Variants in COX18 observed in about 807,000 individuals in gnomAD.
COX18 encodes the protein cytochrome c oxidase assembly protein COX18, mitochondrial.
In COX18, 45 loss-of-function variants were observed where a neutral mutation model predicts 38.0. The ratio of observed to expected loss-of-function variants is 1.18; its 90% confidence interval spans 0.93 to 1.52. The LOEUF is 1.52. Ranked by LOEUF, COX18 falls within the 40% of genes most tolerant of loss-of-function variation. The pLI is 0.00. For synonymous variants in COX18, 177 were observed against 169.8 expected, an observed-to-expected ratio of 1.04 and a Z score of -0.33; for missense variants, 462 against 423.8, an observed-to-expected ratio of 1.09 and a Z score of -0.79.
At chr4:73,066,486 G>A (rs1720452411) in intron 2 of COX18, among the ~76,000 whole-genome samples, 1 of 152,148 alleles carries the variant, frequency 6.6e-6, no homozygotes, top group Non-Finnish European at 1.5e-5. Context: ...CCAGGAGTTT[G>A]AGATCAGCCT....
intron 2 of COX18, among the ~76,000 whole-genome samples, chr4:73,066,652 C>A (rs1720460588): frequency 6.6e-6 from 1 of 152,208 alleles, no homozygotes; most frequent in Admixed American, 6.5e-5. Context: ...AAGCAAGGTG[C>A]CACAAGTCTT....
chr4:73,065,171 GC>G, intron 3 of COX18, 78 bp downstream of exon 3: 1 of 914,632 alleles, frequency 1.1e-6, no homozygotes, highest in Non-Finnish European at 1.6e-6. Context: ...TGAAAAGTAT[GC>G]TTTTTTTTTT....
intron 5 of COX18, among the ~76,000 whole-genome samples, chr4:73,060,700 C>A (rs1295865730): frequency 6.6e-6 from 1 of 151,746 alleles, no homozygotes; most frequent in Non-Finnish European, 1.5e-5. Flanking sequence ...GCCAACATGA[C>A]GAAACCCCAC....
At position 73,061,934 on chromosome 4, in the gene COX18, A is replaced by C. The variant is rs1720188151; in HGVS notation, c.724-14T>G. On this transcript the variant is annotated splice_polypyrimidine_tract_variant and intron_variant, in intron 4 of 5. Coordinates refer to ENST00000507544, the MANE Select transcript of COX18 (RefSeq NM_001297732.2). ...TAGAGCACAAATCTGAAGGGGTAGA[A>C]CATATACATGCATAATGATTATTAA... 7.7e-7 allele frequency: 1 copy of C among 1,300,386 alleles called. No homozygotes were observed. Among genetic ancestry groups the C allele is most frequent in the Non-Finnish European group, 1.1e-6 (1 of 898,564 alleles). 80.6% of individuals were successfully genotyped at this position (1,300,386 alleles called of 1,614,324 possible). A position where few individuals can be genotyped will look rare whatever the true frequency, so the allele number is the denominator to read the frequency against.
chr4:73,061,707 CAAAAAAAAAAAAAAA>C (rs35931617), intron 5 of COX18, 91 bp downstream of exon 5: 3 of 374,556 alleles, frequency 8.0e-6, no homozygotes, highest in Non-Finnish European at 1.4e-5. Context: ...GACTCCGTCT[CAAAAAAAAAAAAAAA>C]AAAAAAAAGA....
chr4:73,068,085 A>G lies in COX18; in HGVS notation c.378T>C (p.Leu126=). 1 of 1,608,718 alleles carries G rather than the reference A, an allele frequency of 6.2e-7. No homozygotes were observed. The highest frequency in any genetic ancestry group is 8.5e-7 in the Non-Finnish European group (1 of 1,178,466). The change falls in exon 2 of 6, where the codon CTT becomes CTC. Residue 126 remains leucine (L), a synonymous_variant. Coordinates refer to ENST00000507544, the MANE Select transcript of COX18 (RefSeq NM_001297732.2). ...QPEIKTIARH[L]NQEVAVRANQ... ...TTGCACGAACTGCAACTTCTTGGTT[A>G]AGATGCCTGGCAATAGTTTTTATTT...
In COX18 at chr4:73,069,614, C is replaced by T. The variant is rs1350095706; in HGVS notation, c.36G>A (p.Pro12=). The T allele has an allele frequency of 1.3e-6, 2 of 1,551,920 alleles. No homozygotes were observed. Among genetic ancestry groups the T allele is most frequent in the Admixed American group, 1.9e-5 (1 of 51,996 alleles). Residue 12 remains proline (P), a synonymous_variant, in exon 1 of 6, where the codon CCG becomes CCA. Transcript: ENST00000507544. Reference sequence around the variant, plus strand: ...TAGCCCAAAGCTGCAGGGCAGGGAGCGGCCGCAGCCACCGACCGCCGAGCC... The same window carrying T: ...TAGCCCAAAGCTGCAGGGCAGGGAGTGGCCGCAGCCACCGACCGCCGAGCC... The part of the protein sequence containing the change: ...LCRLGGRWLR[P]LPALQLWARD...
intron 2 of COX18, among the ~76,000 whole-genome samples, chr4:73,067,159 T>C (rs981193181): frequency 1.3e-5 from 2 of 152,220 alleles, no homozygotes; most frequent in Non-Finnish European, 2.9e-5. Context: ...CCACAAAGGA[T>C]AGACAGCATC....
At chr4:73,068,168 A>G (rs768116598) in intron 1 of COX18, 39 bp from the exon 2 acceptor site, 5 of 1,265,868 alleles carry the variant, frequency 3.9e-6, no homozygotes, top group Non-Finnish European at 5.6e-6. Context: ...CACATAAAGG[A>G]TCTTTATTCA....
At chr4:73,059,353 C>G (rs1382053948) in intron 5 of COX18, among the ~76,000 whole-genome samples, 1 of 152,220 alleles carries the variant, frequency 6.6e-6, no homozygotes, top group East Asian at 1.9e-4. Flanking sequence ...GTTTCCTCAT[C>G]TGTAAAGTGG....
chr4:73,062,835 C>CA (rs1436259179), intron 4 of COX18, among the ~76,000 whole-genome samples: 2 of 130,430 alleles, frequency 1.5e-5, no homozygotes, highest in East Asian at 2.6e-4. Flanking sequence ...AGACCGTCTC[C>CA]AAAAAAAAGA....
At chr4:73,060,747 G>A (rs1170548131) in intron 5 of COX18, among the ~76,000 whole-genome samples, 1 of 152,134 alleles carries the variant, frequency 6.6e-6, no homozygotes, top group African/African-American at 2.4e-5. Flanking sequence ...AAGTGTGGTG[G>A]CGTGTGCCTG....
rs982771316 is a variant in COX18, at chr4:73,053,807, G to C, written c.*4307C>G. The C allele has an allele frequency of 6.6e-6, 1 of 152,180 alleles. No homozygotes were observed. The highest frequency in any genetic ancestry group is 1.5e-5 in the Non-Finnish European group (1 of 68,040). The allele number at this position is 152,180 out of a possible 1,614,324, so 9.4% of individuals were successfully genotyped here. A position where few individuals can be genotyped will look rare whatever the true frequency, so the allele number is the denominator to read the frequency against. On this transcript the variant is annotated 3_prime_UTR_variant, in exon 6 of 6. Transcript: ENST00000507544. ...TTGTAAGCCTCATCTTCCCACTTAGGACATCTGACTAGGATGGGATTTGTT... is the reference window on the plus strand; with the variant it reads ...TTGTAAGCCTCATCTTCCCACTTAGCACATCTGACTAGGATGGGATTTGTT...
At position 73,054,135 on chromosome 4, in the gene COX18, C is replaced by G. The variant is rs916066919; in HGVS notation, c.*3979G>C. 2.6e-5 allele frequency: 4 copies of G among 152,178 alleles called. No homozygotes were observed. The highest frequency in any genetic ancestry group is 2.0e-4 in the Admixed American group (3 of 15,284). 9.4% of individuals were successfully genotyped at this position (152,178 alleles called of 1,614,324 possible). A position where few individuals can be genotyped will look rare whatever the true frequency, so the allele number is the denominator to read the frequency against. On this transcript the variant is annotated 3_prime_UTR_variant, in exon 6 of 6. Coordinates refer to ENST00000507544, the MANE Select transcript of COX18 (RefSeq NM_001297732.2). ...ACATTACAGTCCTCATCTAAGGAGA[C>G]AAAAACCTTCCTGAACTCTGCAGGG... is the stretch of plus-strand genomic sequence containing the variant.
At chr4:73,061,764 G>T in intron 5 of COX18, 49 bp downstream of exon 5, 39 of 876,636 alleles carry the variant, frequency 4.4e-5, no homozygotes, top group Non-Finnish European at 6.5e-5. Flanking sequence ...CTAAGCTAAA[G>T]TCAGAGAGGA....
intron 2 of COX18, 43 bp downstream of exon 2, chr4:73,067,986 G>A (rs528649119): frequency 2.9e-5 from 27 of 944,090 alleles, no homozygotes; most frequent in African/African-American, 6.8e-5. Context: ...GTGTGTGTGT[G>A]TGTATGTGTG....
In COX18 at chr4:73,053,967, C is replaced by T. The variant is rs1332762378; in HGVS notation, c.*4147G>A. On this transcript the variant is annotated 3_prime_UTR_variant, in exon 6 of 6. Transcript: ENST00000507544. Reference sequence around the variant, plus strand: ...ACTATAAATTGATCCAGGAGTGAGTCTCCCTTCCTGACTCTTGAAATGAGA... The same window carrying T: ...ACTATAAATTGATCCAGGAGTGAGTTTCCCTTCCTGACTCTTGAAATGAGA... 3.3e-5 allele frequency: 5 copies of T among 152,178 alleles called. No homozygotes were observed. Among genetic ancestry groups the T allele is most frequent in the Non-Finnish European group, 7.3e-5 (5 of 68,032 alleles). The allele number at this position is 152,178 out of a possible 1,614,324, so 9.4% of individuals were successfully genotyped here.
intron 5 of COX18, 54 bp downstream of exon 5, chr4:73,061,759 C>G: frequency 3.2e-6 from 3 of 944,516 alleles, no homozygotes; most frequent in Non-Finnish European, 5.0e-6. Flanking sequence ...CCAGTCTAAG[C>G]TAAAGTCAGA....
chr4:73,060,470 T>C (rs1720095041), intron 5 of COX18, among the ~76,000 whole-genome samples: 1 of 152,240 alleles, frequency 6.6e-6, no homozygotes, highest in African/African-American at 2.4e-5. Context: ...GGCATTATGA[T>C]ATCTATTTTA....
Sources: gnomAD v4.1 joint callset for allele counts (sites outside exome capture counted in the v4.1 genomes callset) on GRCh38, gnomAD v4.1.1 for gene constraint, MANE v1.5 for transcripts, NCBI Gene and HGNC (gene_info 2026-07-23, HGNC 2026-07-21) for gene names.